Variants in NCOA6 observed in about 807,000 individuals in gnomAD.
NCOA6 encodes NRC RAP250.
NCOA6 carries 49 observed loss-of-function variants against 171.4 expected under a neutral mutation model. The observed-to-expected ratio is 0.29, with a 90% confidence interval of 0.23 to 0.36. The LOEUF is 0.36. Ranked by LOEUF, NCOA6 falls within the 10% of genes least tolerant of loss-of-function variation. NCOA6 has a pLI of 1.00. For synonymous variants in NCOA6, 910 were observed against 927.5 expected (o/e 0.98, Z 0.34); for missense variants, 2,248 against 2,554.5 (o/e 0.88, Z 2.59).
At chr20:34,753,997 A>AT (rs1291904163) in intron 8 of NCOA6, among the ~76,000 whole-genome samples, 1 of 152,206 alleles carries the variant, frequency 6.6e-6, no homozygotes, top group East Asian at 1.9e-4. Context: ...GAGCTTATAC[A>AT]TTACTGCTTT....
intron 1 of NCOA6, among the ~76,000 whole-genome samples, chr20:34,805,105 C>A (rs2078403281): frequency 6.6e-6 from 1 of 150,902 alleles, no homozygotes; most frequent in African/African-American, 2.4e-5. Flanking sequence ...GTGGTACAAT[C>A]TCACCTTACT....
chr20:34,756,472 C>A (rs1568785683), intron 7 of NCOA6, among the ~76,000 whole-genome samples: 1 of 152,078 alleles, frequency 6.6e-6, no homozygotes, highest in Non-Finnish European at 1.5e-5. Flanking sequence ...ATACTCTATA[C>A]CTTACTGAAA....
intron 4 of NCOA6, among the ~76,000 whole-genome samples, chr20:34,773,279 T>A (rs760798553): frequency 2.6e-5 from 4 of 152,114 alleles, no homozygotes; most frequent in African/African-American, 7.2e-5. Context: ...CACCATGAAT[T>A]TACAGAGGGG....
intron 14 of NCOA6, among the ~76,000 whole-genome samples, chr20:34,718,669 C>CTAA (rs1568698459): frequency 6.6e-6 from 1 of 152,146 alleles, no homozygotes; most frequent in Admixed American, 6.5e-5. Context: ...CCACGCCCAG[C>CTAA]TAATGGTTGT....
chr20:34,812,971 C>A (rs1255463673), intron 1 of NCOA6, among the ~76,000 whole-genome samples: 1 of 151,972 alleles, frequency 6.6e-6, no homozygotes, highest in South Asian at 2.1e-4. Context: ...GCCAGCCTGG[C>A]CAACATGGTG....
intron 13 of NCOA6, among the ~76,000 whole-genome samples, chr20:34,729,003 T>G (rs1218661900): frequency 6.6e-6 from 1 of 152,188 alleles, no homozygotes; most frequent in Non-Finnish European, 1.5e-5. Context: ...CAGGCTGGAG[T>G]GCAGTGGCAG....
rs747944731 is a variant in NCOA6, at chr20:34,750,040, T to G, written c.2155A>C (p.Asn719His). The change falls in exon 9 of 15, where the codon AAT becomes CAT. Residue 719 changes from asparagine to histidine, a missense_variant. By Grantham distance (68) the Asn-to-His change is moderately conservative. Around this residue, in one of 7 missense-constraint regions of NCOA6, gnomAD observed 987 missense variants for 1,104.7 expected, o/e 0.89. Coordinates refer to ENST00000359003, the MANE Select transcript of NCOA6 (RefSeq NM_014071.5). Reference sequence around the variant, plus strand: ...TGCTGCTTATTCCCCTGCATTTGATTGGTCATAATCTGCTCTATCATTGGG... The same window carrying G: ...TGCTGCTTATTCCCCTGCATTTGATGGGTCATAATCTGCTCTATCATTGGG... Reference protein sequence around the residue: ...QNPMIEQIMTNQMQGNKQQFN... With the variant: ...QNPMIEQIMTHQMQGNKQQFN... 1.2e-6 allele frequency: 2 copies of G among 1,614,258 alleles called. No homozygotes were observed. Among genetic ancestry groups the G allele is most frequent in the East Asian group, 2.2e-5 (1 of 44,886 alleles).
Position 34,715,307 on chromosome 20 carries a change from C to A in NCOA6, c.*15G>T. ...TCACACACATTTCCAAGTATCAAGT[C>A]GCAGTCCTGCTTGTTTACTTGGATT... On this transcript the variant is annotated 3_prime_UTR_variant, in exon 15 of 15. Transcript: ENST00000359003. 1.2e-6 allele frequency: 2 copies of A among 1,613,878 alleles called. No individual in the cohort carries two copies. The highest frequency in any genetic ancestry group is 2.2e-5 in the South Asian group (2 of 91,032).
intron 14 of NCOA6, among the ~76,000 whole-genome samples, chr20:34,717,575 G>GT (rs1244488500): frequency 2.4e-4 from 36 of 151,210 alleles, no homozygotes; most frequent in Admixed American, 1.6e-3. Context: ...CAAAGGTCAT[G>GT]TTTTTTTTTG....
chr20:34,820,176 G>A (rs918096919), intron 1 of NCOA6: 1 of 151,812 alleles, frequency 6.6e-6, no homozygotes, highest in Non-Finnish European at 1.5e-5. Flanking sequence ...GAGCTCAGGA[G>A]TTCCAGACTA....
intron 3 of NCOA6, among the ~76,000 whole-genome samples, chr20:34,781,072 T>C (rs2077503036): frequency 6.6e-6 from 1 of 152,362 alleles, no homozygotes; most frequent in African/African-American, 2.4e-5. Flanking sequence ...AAGACCTTTA[T>C]AATATATAAC....
Position 34,815,189 on chromosome 20 carries a change from C to T in NCOA6, c.-164+10283G>A, listed in dbSNP as rs184799947. Among the ~76,000 whole-genome samples the T allele has an allele frequency of 2.0e-5, 3 of 149,922 alleles. No homozygotes were observed. In the East Asian group the frequency reaches 5.9e-4, roughly 30 times the overall value. ...AGGAGGTTGAGACTGGCCTGGGCAA[C>T]ATAGGAAGACCCATTCTCTACCCCA... On this transcript the variant is annotated intron_variant, in intron 1 of 14. Transcript: ENST00000359003.
intron 5 of NCOA6, among the ~76,000 whole-genome samples, chr20:34,768,256 C>T (rs1332453639): frequency 6.6e-6 from 1 of 152,158 alleles, no homozygotes; most frequent in African/African-American, 2.4e-5. Context: ...TGTTCATCAA[C>T]CTTTAAGCAC....
At chr20:34,774,214 CAT>C (rs903677511) in intron 4 of NCOA6, among the ~76,000 whole-genome samples, 11 of 152,188 alleles carry the variant, frequency 7.2e-5, no homozygotes, top group African/African-American at 2.4e-4. Context: ...GACCAAAAAA[CAT>C]GTGGGGTTTT....
rs371770202 is a variant in NCOA6, at chr20:34,741,944, T to C, written c.4312A>G (p.Asn1438Asp). 6.8e-6 allele frequency: 11 copies of C among 1,614,082 alleles called. No individual in the cohort carries two copies. Among genetic ancestry groups the C allele is most frequent in the Non-Finnish European group, 9.3e-6 (11 of 1,180,044 alleles). ...GCAGGGACTGCTTTTAGTTCAATGT[T>C]TACCTGTTCCTTCCTACTCTGGGAA... The part of the protein sequence containing the change: ...QNSQSRKEQV[N>D]IELKAVPAQE... The change falls in exon 11 of 15, where the codon AAC becomes GAC. Residue 1438 changes from asparagine to aspartate, a missense_variant. Transcript: ENST00000359003.
chr20:34,778,783 C>G (rs1185512381), intron 3 of NCOA6, among the ~76,000 whole-genome samples: 2 of 151,390 alleles, frequency 1.3e-5, no homozygotes, highest in African/African-American at 4.9e-5. Flanking sequence ...ACGGTGAAAC[C>G]CCATCTCTAC....
chr20:34,798,542 C>T (rs566784592), intron 1 of NCOA6, among the ~76,000 whole-genome samples: 114 of 152,340 alleles, frequency 7.5e-4, no homozygotes, highest in African/African-American at 2.6e-3. Context: ...GGCTTTAGGT[C>T]TGACCCAGTG....
chr20:34,723,004 CACAAA>C (rs1343901525), intron 14 of NCOA6, among the ~76,000 whole-genome samples: 2 of 152,042 alleles, frequency 1.3e-5, no homozygotes, highest in African/African-American at 4.8e-5. Flanking sequence ...GAGACTTTGT[CACAAA>C]ACAAAACAAA....
In NCOA6 at chr20:34,806,746, G is replaced by A. The variant is rs188394301; in HGVS notation, c.-163-14183C>T. 1.4e-3 allele frequency among the ~76,000 whole-genome samples: 213 copies of A among 152,234 alleles called. 1 individual carries two copies. Among genetic ancestry groups the A allele is most frequent in the African/African-American group, 4.9e-3 (205 of 41,528 alleles). ...TGGATTTATTTCTGGGTTCTCTATG[G>A]TGTTTCATTGGTCTATGTGTCTGTT... is the stretch of plus-strand genomic sequence containing the variant. On this transcript the variant is annotated intron_variant, in intron 1 of 14. Transcript: ENST00000359003.
Sources: allele counts gnomAD v4.1 joint callset (sites outside exome capture counted in the v4.1 genomes callset), GRCh38; gene constraint gnomAD v4.1.1; regional missense constraint gnomAD v4.1.1; transcripts MANE v1.5; gene names NCBI Gene and HGNC (gene_info 2026-07-23, HGNC 2026-07-21).